The following TYW1B variants were observed in gnomAD, a reference collection of about 807,000 sequenced individuals.
TYW1B encodes S-adenosyl-L-methionine-dependent tRNA 4-demethylwyosine synthase TYW1B.
A neutral mutation model predicts 86.9 loss-of-function variants in TYW1B; 73 were observed. The observed-to-expected ratio is 0.84, with a 90% CI of 0.70 to 1.02. TYW1B has a LOEUF of 1.02. TYW1B is among the 50% of genes least tolerant of loss of function. The pLI, the probability that TYW1B is intolerant of heterozygous loss-of-function variation, is 0.00. For missense variants in TYW1B, 637 were observed against 827.4 expected (o/e 0.77, Z 2.82); for synonymous variants, 248 against 292.8 (o/e 0.85, Z 1.56).
chr7:72,653,820 G>A (rs189924377), intron 11 of TYW1B, among the ~76,000 whole-genome samples: 59 of 152,022 alleles, frequency 3.9e-4, no homozygotes, highest in African/African-American at 1.1e-3. Context: ...GGTGGCTCAC[G>A]CCTGTGATCC....
intron 11 of TYW1B, among the ~76,000 whole-genome samples, chr7:72,641,822 TA>T (rs1554441485): frequency 6.6e-6 from 1 of 152,210 alleles, no homozygotes. Context: ...GCTACCTCAA[TA>T]AAAAATTTTA....
chr7:72,767,928 G>A (rs771541010), intron 7 of TYW1B, among the ~76,000 whole-genome samples: 2 of 152,072 alleles, frequency 1.3e-5, no homozygotes, highest in African/African-American at 4.8e-5. Context: ...AATTCAAGAC[G>A]AATCACAGGC....
At chr7:72,601,702 A>G (rs1412689250) in intron 13 of TYW1B, among the ~76,000 whole-genome samples, 1 of 151,574 alleles carries the variant, frequency 6.6e-6, no homozygotes, top group Non-Finnish European at 1.5e-5. Context: ...AAAATGAGCT[A>G]TCAAGCCAGG....
chr7:72,772,249 T>G, intron 7 of TYW1B, among the ~76,000 whole-genome samples: 1 of 152,070 alleles, frequency 6.6e-6, no homozygotes, highest in Non-Finnish European at 1.5e-5. Flanking sequence ...CTAAAAGATG[T>G]AAGCAACACA....
At chr7:72,587,354 G>T (rs1585827729) in intron 13 of TYW1B, among the ~76,000 whole-genome samples, 2 of 152,160 alleles carry the variant, frequency 1.3e-5, no homozygotes, top group Non-Finnish European at 2.9e-5. Context: ...AATTCACACA[G>T]AGCCAGCTGT....
chr7:72,639,422 C>T (rs1812750163), intron 11 of TYW1B, among the ~76,000 whole-genome samples: 1 of 152,078 alleles, frequency 6.6e-6, no homozygotes. Context: ...CTACCTTGAA[C>T]TCCCAAAGTG....
chr7:72,740,966 G>A (rs71553277), intron 8 of TYW1B, among the ~76,000 whole-genome samples: 13,107 of 151,894 alleles, frequency 0.086, 994 homozygotes, highest in East Asian at 0.33. Flanking sequence ...TCCTGATCTC[G>A]TGAGCTGCCC....
At chr7:72,621,681 G>A (rs1585854483) in intron 12 of TYW1B, among the ~76,000 whole-genome samples, 1 of 152,334 alleles carries the variant, frequency 6.6e-6, no homozygotes, top group Non-Finnish European at 1.5e-5. Context: ...CAGGGGCTGT[G>A]CCTTGCTCTT....
In TYW1B at chr7:72,591,647, A is replaced by C. The variant is rs548457447; in HGVS notation, c.1786-15928T>G. ...AAAAGCTGAGGTAGTTCATCACTCT[A>C]CTAGATCTTCCCTGTAAGAAATGCT... On this transcript the variant is annotated intron_variant, in intron 13 of 13. Transcript: ENST00000620995. 3.3e-5 allele frequency among the ~76,000 whole-genome samples: 5 copies of C among 152,320 alleles called. No individual in the cohort carries two copies. The South Asian group carries it at 8.3e-4, about 25-fold the overall frequency.
chr7:72,752,766 T>C (rs1188688738), intron 7 of TYW1B, among the ~76,000 whole-genome samples: 6 of 112,426 alleles, frequency 5.3e-5, no homozygotes, highest in Non-Finnish European at 1.2e-4. Flanking sequence ...CAAAAAAACC[T>C]CATCAACTTG....
At chr7:72,733,040 A>G (rs1445954098) in intron 8 of TYW1B, among the ~76,000 whole-genome samples, 3 of 152,100 alleles carry the variant, frequency 2.0e-5, no homozygotes, top group African/African-American at 7.2e-5. Flanking sequence ...CCAAGAATAA[A>G]CCAGGAAGAA....
At chr7:72,578,858 C>A (rs1367691771) in intron 13 of TYW1B, among the ~76,000 whole-genome samples, 1 of 152,164 alleles carries the variant, frequency 6.6e-6, no homozygotes, top group African/African-American at 2.4e-5. Context: ...GTGTTGCTTG[C>A]TGAAAGACAG....
intron 11 of TYW1B, among the ~76,000 whole-genome samples, chr7:72,682,958 A>G (rs35463718): frequency 2.6e-5 from 4 of 152,216 alleles, no homozygotes; most frequent in Non-Finnish European, 5.9e-5. Context: ...CTCACAGTGA[A>G]TATACAGGGG....
intron 1 of TYW1B, among the ~76,000 whole-genome samples, chr7:72,827,307 C>T (rs2129573029): frequency 6.6e-6 from 1 of 152,286 alleles, no homozygotes; most frequent in East Asian, 1.9e-4. Context: ...ACTCGGGAGG[C>T]TGAGGCAGGA....
chr7:72,762,357 T>G (rs1787699266), intron 7 of TYW1B, among the ~76,000 whole-genome samples: 1 of 152,152 alleles, frequency 6.6e-6, no homozygotes, highest in South Asian at 2.1e-4. Context: ...CATCATTGCC[T>G]TCTGTTCTTT....
chr7:72,653,196 C>T (rs1364098334), intron 11 of TYW1B, among the ~76,000 whole-genome samples: 3 of 151,806 alleles, frequency 2.0e-5, no homozygotes, highest in African/African-American at 7.3e-5. Context: ...AAGAGAAAAC[C>T]AAAAGAGAAT....
At chr7:72,699,846 C>G (rs1554452157) in intron 10 of TYW1B, among the ~76,000 whole-genome samples, 1 of 151,986 alleles carries the variant, frequency 6.6e-6, no homozygotes, top group Admixed American at 6.6e-5. Flanking sequence ...GATGGGGTTT[C>G]GCCATGTTGG....
chr7:72,614,935 A>C lies in TYW1B; in HGVS notation c.1785+1737T>G, dbSNP rs140019070. On this transcript the variant is annotated intron_variant, in intron 13 of 13. Transcript: ENST00000620995. ...ACAGGGGCCAAGATTAAAGCCCTCT[A>C]ATCAATCTGACTCCACTCATAATCT... is the stretch of plus-strand genomic sequence containing the variant. 2.6e-5 allele frequency among the ~76,000 whole-genome samples: 4 copies of C among 152,324 alleles called. No homozygotes were observed. The East Asian group carries it at 7.7e-4, about 29-fold the overall frequency.
chr7:72,640,830 A>T (rs2129569018), intron 11 of TYW1B, among the ~76,000 whole-genome samples: 1 of 152,288 alleles, frequency 6.6e-6, no homozygotes, highest in Middle Eastern at 3.4e-3. Flanking sequence ...AGCACAGAAC[A>T]TATGAACGAC....
Sources: allele counts gnomAD v4.1 joint callset (sites outside exome capture counted in the v4.1 genomes callset), GRCh38; gene constraint gnomAD v4.1.1; transcripts MANE v1.5; gene names NCBI Gene and HGNC (gene_info 2026-07-23, HGNC 2026-07-21).